Variants in TENM3 observed in about 807,000 individuals in gnomAD.
TENM3 encodes teneurin transmembrane protein 3.
Under a neutral mutation model 255.1 loss-of-function variants are expected in TENM3, and 63 were observed. The ratio of observed to expected loss-of-function variants is 0.25; its 90% confidence interval spans 0.20 to 0.30. TENM3 has a LOEUF of 0.30. Among genes scored for constraint, TENM3 ranks in the 10% least tolerant of loss-of-function variants. The probability of loss-of-function intolerance (pLI) is 1.00; values close to 1 mark genes in which losing one functional copy is unlikely to be tolerated. For missense variants in TENM3, 2,929 were observed against 3,461.1 expected (o/e 0.85, Z 3.86); for synonymous variants, 1,306 against 1,322.3 (o/e 0.99, Z 0.27).
the TENM3 span, among the ~76,000 whole-genome samples, chr4:181,740,351 T>C: frequency 6.6e-6 from 1 of 152,184 alleles, no homozygotes; most frequent in African/African-American, 2.4e-5. Context: ...ATAGGAATGA[T>C]ATGAGAATTT....
intron 13 of TENM3, among the ~76,000 whole-genome samples, chr4:182,721,684 A>G (rs867276655): frequency 9.8e-5 from 15 of 152,294 alleles, no homozygotes; most frequent in African/African-American, 1.9e-4. Flanking sequence ...TTGCTTTGCA[A>G]CACTTCATCA....
chr4:181,593,951 G>A, the TENM3 span, among the ~76,000 whole-genome samples: 4 of 151,366 alleles, frequency 2.6e-5, no homozygotes, highest in African/African-American at 9.7e-5. Context: ...TGACACAACG[G>A]TCATTAAGAT....
intron 3 of TENM3, among the ~76,000 whole-genome samples, chr4:182,550,152 G>A (rs1741856056): frequency 6.6e-6 from 1 of 152,166 alleles, no homozygotes; most frequent in Admixed American, 6.5e-5. Flanking sequence ...TTTAAAAAAA[G>A]TCAGCATAAA....
chr4:182,688,105 A>T (rs1756727427), intron 11 of TENM3, 61 bp from the exon 12 acceptor site: 2 of 1,419,772 alleles, frequency 1.4e-6, no homozygotes, highest in African/African-American at 2.9e-5. Flanking sequence ...CTGCTTATTA[A>T]TTCCCCTTCT....
At chr4:182,143,086 T>G (rs1379573279), upstream of TENM3, 2 of 167,168 alleles carry the variant, frequency 1.2e-5, no homozygotes, top group Non-Finnish European at 2.9e-5. This position sits in a 1 kb window ranked among gnomAD's most constrained non-coding sequence, Gnocchi z 4.3. Flanking sequence ...CAAACTTTTT[T>G]TTTCCCTCCC....
chr4:181,544,408 T>TAAAACAAAAAAAAAAAAAA, the TENM3 span, among the ~76,000 whole-genome samples: 1 of 68,674 alleles, frequency 1.5e-5, no homozygotes, highest in Non-Finnish European at 2.7e-5. Context: ...CCTTCAGGAT[T>TAAAACAAAAAAAAAAAAAA]AAAAAAAAAA....
chr4:182,335,331 TAA>T (rs1326325892), intron 2 of TENM3, among the ~76,000 whole-genome samples: 1 of 122,770 alleles, frequency 8.1e-6, no homozygotes, highest in East Asian at 2.3e-4. Context: ...CCGTCTCTAC[TAA>T]AAATACAAAA....
the TENM3 span, among the ~76,000 whole-genome samples, chr4:181,661,445 C>CAA: frequency 6.6e-6 from 1 of 152,108 alleles, no homozygotes; most frequent in Non-Finnish European, 1.5e-5. Context: ...AATTTCTGCA[C>CAA]AAAACACCCT....
chr4:182,028,260 C>T, the TENM3 span, among the ~76,000 whole-genome samples: 1 of 152,060 alleles, frequency 6.6e-6, no homozygotes, highest in African/African-American at 2.4e-5. Context: ...TTGGTATATA[C>T]TTGCTCATAG....
intron 3 of TENM3, among the ~76,000 whole-genome samples, chr4:182,385,083 T>C (rs796299767): frequency 2.1e-4 from 32 of 152,174 alleles, no homozygotes; most frequent in African/African-American, 7.5e-4. Flanking sequence ...CCCCCAGCAT[T>C]GTTGTAAGTA....
At chr4:182,220,405 C>T (rs1326771814) in intron 1 of TENM3, among the ~76,000 whole-genome samples, 2 of 86,198 alleles carry the variant, frequency 2.3e-5, no homozygotes, top group East Asian at 3.2e-4. Context: ...AAAAAAAAGT[C>T]GGCTTGATAA....
At chr4:182,669,971 T>G (rs1755062522) in intron 6 of TENM3, among the ~76,000 whole-genome samples, 1 of 152,180 alleles carries the variant, frequency 6.6e-6, no homozygotes, top group Non-Finnish European at 1.5e-5. Flanking sequence ...CTGAATCTTC[T>G]CAGTAAAAGC....
chr4:181,906,165 G>A, the TENM3 span: 1 of 260,152 alleles, frequency 3.8e-6, no homozygotes, highest in South Asian at 4.5e-5. Context: ...AGCCATCAAT[G>A]TGATTCTATT....
chr4:182,612,271 CAAA>C (rs67422711), intron 4 of TENM3, among the ~76,000 whole-genome samples: 7 of 66,992 alleles, frequency 1.0e-4, no homozygotes, highest in African/African-American at 1.7e-4. Flanking sequence ...GACTCGGTCT[CAAA>C]AAAAAAAAAA....
chr4:182,115,853 A>G, the TENM3 span, among the ~76,000 whole-genome samples: 2 of 152,182 alleles, frequency 1.3e-5, no homozygotes, highest in Non-Finnish European at 2.9e-5. Flanking sequence ...AGAAAAATAA[A>G]AGATATGGCC....
chr4:182,349,781 T>G (rs1311382934), intron 3 of TENM3: 1 of 305,338 alleles, frequency 3.3e-6, no homozygotes, highest in Non-Finnish European at 6.4e-6. Flanking sequence ...ATTTTCTGGT[T>G]ATATTTTCTT....
At chr4:181,905,665 T>C in the TENM3 span, 6 of 169,236 alleles carry the variant, frequency 3.5e-5, 1 homozygote, top group Middle Eastern at 4.9e-3. Context: ...ACTATTTATT[T>C]ATTTATTCAT....
the TENM3 span, among the ~76,000 whole-genome samples, chr4:182,007,883 A>C: frequency 6.6e-6 from 1 of 152,166 alleles, no homozygotes; most frequent in Non-Finnish European, 1.5e-5. Context: ...TTCCATATTT[A>C]ATGCTTCTTT....
chr4:182,765,390 A>AT lies in TENM3; in HGVS notation c.4893-8076dup, dbSNP rs574883216. ...TCTCCTACTGGATACTCTATCCCTA[A>AT]TTTTTTGAAATCTTCAAATCTGTGT... On this transcript the variant is annotated intron_variant, in intron 22 of 27. Transcript: ENST00000511685. Among the ~76,000 whole-genome samples the AT allele has an allele frequency of 3.3e-3, 504 of 152,250 alleles. 4 individuals carry two copies. The highest frequency in any genetic ancestry group is 0.011 in the African/African-American group (477 of 41,556).
Sources: gnomAD v4.1 joint callset for allele counts (sites outside exome capture counted in the v4.1 genomes callset) on GRCh38, gnomAD v4.1.1 for gene constraint, Gnocchi (gnomAD v3.1) non-coding constraint, MANE v1.5 for transcripts, NCBI Gene and HGNC (gene_info 2026-07-23, HGNC 2026-07-21) for gene names.